Variants in TRMT9B observed in about 807,000 individuals in gnomAD.
TRMT9B encodes the protein probable tRNA methyltransferase 9B.
TRMT9B carries 16 observed loss-of-function variants against 11.5 expected under a neutral mutation model. The ratio of observed to expected loss-of-function variants is 1.39; its 90% confidence interval spans 0.94 to 2.11. TRMT9B has a LOEUF of 2.11. Ranked by LOEUF, TRMT9B falls within the 30% of genes most tolerant of loss-of-function variation. TRMT9B has a pLI of 0.00. For missense variants in TRMT9B, 941 were observed against 553.8 expected (o/e 1.70, Z -7.02); for synonymous variants, 274 against 192.4 (o/e 1.42, Z -3.51).
intron 4 of TRMT9B, among the ~76,000 whole-genome samples, chr8:13,015,776 G>C (rs892717690): frequency 2.6e-5 from 4 of 152,102 alleles, no homozygotes; most frequent in African/African-American, 9.7e-5. Context: ...ATCTGGCTAA[G>C]TCCTCTATTT....
chr8:13,010,358 A>T, intron 3 of TRMT9B: 1 of 975,970 alleles, frequency 1.0e-6, no homozygotes, highest in Non-Finnish European at 1.2e-6. Context: ...TGAAAAAGAA[A>T]GAAGTTCAAA....
chr8:12,956,635 A>G (rs1365667874), intron 1 of TRMT9B, among the ~76,000 whole-genome samples: 1 of 152,202 alleles, frequency 6.6e-6, no homozygotes, highest in Non-Finnish European at 1.5e-5. Context: ...TAATGTACTG[A>G]GAGAGAAATA....
At chr8:12,947,884 G>A (rs143462899) in intron 1 of TRMT9B, among the ~76,000 whole-genome samples, 1 of 152,192 alleles carries the variant, frequency 6.6e-6, no homozygotes, top group African/African-American at 2.4e-5. Context: ...GTATAAGGAA[G>A]CATTGGGGCT....
At chr8:13,010,411 C>G in intron 3 of TRMT9B, 2 of 984,352 alleles carry the variant, frequency 2.0e-6, no homozygotes, top group Non-Finnish European at 2.4e-6. Context: ...TGACTGTCCT[C>G]TAAAGGAAAT....
In TRMT9B at chr8:13,024,215, T is replaced by C. The variant is rs1814404545; in HGVS notation, c.*2171T>C. ...CCCACCACGACGCCCGGCTGTTTTT[T>C]TGTATTTTTAGGAGAGACGGGGTTT... On this transcript the variant is annotated 3_prime_UTR_variant, in exon 5 of 5. Transcript: ENST00000524591. 1 of 153,636 alleles carries C rather than the reference T, an allele frequency of 6.5e-6. No homozygotes were observed. 9.5% of individuals were successfully genotyped at this position (153,636 alleles called of 1,614,324 possible).
rs750809767 is a variant in TRMT9B at position 12,990,999 on chromosome 8, A to C, written c.-34A>C. On this transcript the variant is annotated 5_prime_UTR_variant, in exon 2 of 5. Transcript: ENST00000524591. The stretch of plus-strand genomic sequence containing the variant: ...GACTGCCGTGATTCACAAAGACAAG[A>C]GGTAATTTTCCTGTAATCACAGGAT... 3.6e-5 allele frequency: 46 copies of C among 1,279,074 alleles called. No individual in the cohort carries two copies. Among genetic ancestry groups the C allele is most frequent in the Non-Finnish European group, 4.6e-5 (45 of 982,730 alleles). The allele number at this position is 1,279,074 out of a possible 1,614,324, so 79.2% of individuals were successfully genotyped here.
intron 4 of TRMT9B, among the ~76,000 whole-genome samples, chr8:13,017,745 C>G (rs1235210304): frequency 2.0e-5 from 3 of 150,622 alleles, no homozygotes; most frequent in Non-Finnish European, 4.4e-5. Flanking sequence ...TCCTGAGTAA[C>G]TTGGACCATA....
In TRMT9B at chr8:13,010,281, A is replaced by C; in HGVS notation, c.155-2403A>C. On this transcript the variant is annotated intron_variant, in intron 3 of 4. Coordinates refer to ENST00000524591, the MANE Select transcript of TRMT9B (RefSeq NM_020844.3). ...ACATTTTTTAAACTATTCAATAAAT[A>C]GGGTCATATTTTCATTGCAAAATGA... 3.3e-6 allele frequency: 3 copies of C among 909,722 alleles called. No homozygotes were observed. In the South Asian group the frequency reaches 1.5e-4, roughly 46 times the overall value. 56.4% of individuals were successfully genotyped at this position (909,722 alleles called of 1,614,324 possible).
At chr8:12,975,803 T>C (rs1258502044) in intron 1 of TRMT9B, among the ~76,000 whole-genome samples, 1 of 152,160 alleles carries the variant, frequency 6.6e-6, no homozygotes, top group Non-Finnish European at 1.5e-5. Flanking sequence ...GGGGCATTCA[T>C]TCCTTCAATT....
chr8:12,981,661 G>C (rs1805413868), intron 1 of TRMT9B, among the ~76,000 whole-genome samples: 1 of 151,604 alleles, frequency 6.6e-6, no homozygotes, highest in African/African-American at 2.4e-5. Flanking sequence ...GTGCAGTGTT[G>C]TGATCATACC....
intron 1 of TRMT9B, among the ~76,000 whole-genome samples, chr8:12,961,511 T>C (rs2460356): frequency 1 from 151,675 of 151,704 alleles, 75,823 homozygotes; most frequent in Middle Eastern, 1. Flanking sequence ...ACCATCCTGG[T>C]TAACACGGTG....
rs146967797 is a variant in TRMT9B, at chr8:12,992,944, G to C, written c.-2+1913G>C. ...AGTTACCCATAAATTCTTTATGCAG[G>C]AGGAAGAAACTGTGCTAGACTTTGC... On this transcript the variant is annotated intron_variant, in intron 2 of 4. Coordinates refer to ENST00000524591, the MANE Select transcript of TRMT9B (RefSeq NM_020844.3). 8.5e-4 allele frequency among the ~76,000 whole-genome samples: 130 copies of C among 152,300 alleles called. 1 individual carries two copies. The highest frequency in any genetic ancestry group is 3.0e-3 in the African/African-American group (126 of 41,558).
intron 2 of TRMT9B, among the ~76,000 whole-genome samples, chr8:13,003,556 A>G (rs143830283): frequency 6.6e-5 from 10 of 152,258 alleles, no homozygotes; most frequent in Non-Finnish European, 1.3e-4. Context: ...ACAGTGGGTC[A>G]TTGGGTATTA....
chr8:12,979,272 T>C (rs1487401293), intron 1 of TRMT9B, among the ~76,000 whole-genome samples: 2 of 152,156 alleles, frequency 1.3e-5, no homozygotes, highest in Non-Finnish European at 2.9e-5. Flanking sequence ...GCATAAAGTA[T>C]GTGGGGAGGC....
intron 2 of TRMT9B, among the ~76,000 whole-genome samples, chr8:12,996,849 C>A (rs1292221668): frequency 6.6e-6 from 1 of 152,192 alleles, no homozygotes; most frequent in Non-Finnish European, 1.5e-5. Flanking sequence ...ACCTCCCAAC[C>A]CCCAGTGCTC....
At chr8:12,989,701 C>T (rs7821427) in intron 1 of TRMT9B, among the ~76,000 whole-genome samples, 96,412 of 152,112 alleles carry the variant, frequency 0.63, 31,956 homozygotes, top group East Asian at 0.76. Context: ...TAAGTCCGAA[C>T]AGAGAATCTT....
intron 2 of TRMT9B, among the ~76,000 whole-genome samples, chr8:12,993,280 A>G (rs972723659): frequency 7.9e-5 from 12 of 152,212 alleles, no homozygotes; most frequent in African/African-American, 2.7e-4. Context: ...ATGAGGTTGT[A>G]TAGAAAAATT....
In TRMT9B at chr8:12,984,647, C is replaced by G. The variant is rs561091531; in HGVS notation, c.-199-6187C>G. On this transcript the variant is annotated intron_variant, in intron 1 of 4. Transcript: ENST00000524591. Reference sequence around the variant, plus strand: ...TCTTCCACGGTACTATTTTGGGGGACCTATTGCTTTTATCTCAACAAAACT... The same window carrying G: ...TCTTCCACGGTACTATTTTGGGGGAGCTATTGCTTTTATCTCAACAAAACT... Among the ~76,000 whole-genome samples, 79 of 152,192 alleles carry G rather than the reference C, an allele frequency of 5.2e-4. No homozygotes were observed. The South Asian group carries it at 0.016, about 31-fold the overall frequency.
At chr8:12,993,904 C>G (rs550648939) in intron 2 of TRMT9B, among the ~76,000 whole-genome samples, 3 of 152,192 alleles carry the variant, frequency 2.0e-5, no homozygotes, top group Admixed American at 1.3e-4. Flanking sequence ...GTAGCTGGCA[C>G]AATAAAAGGA....
Sources: gnomAD v4.1 joint callset for allele counts (sites outside exome capture counted in the v4.1 genomes callset) on GRCh38, gnomAD v4.1.1 for gene constraint, MANE v1.5 for transcripts, NCBI Gene and HGNC (gene_info 2026-07-23, HGNC 2026-07-21) for gene names.